PACRG: variants seen among roughly 807,000 people sequenced by gnomAD.
PACRG encodes the protein parkin coregulated.
Under a neutral mutation model 29.7 loss-of-function variants are expected in PACRG, and 29 were observed. That is an observed-to-expected ratio of 0.98 (90% CI 0.73 to 1.33). The LOEUF is 1.33. Ranked by LOEUF, PACRG falls within the 40% of genes most tolerant of loss-of-function variation. The pLI, the probability that PACRG is intolerant of heterozygous loss-of-function variation, is 0.00. For synonymous variants in PACRG, 116 were observed against 118.7 expected (o/e 0.98, Z 0.15); for missense variants, 279 against 316.2 (o/e 0.88, Z 0.89).
At chr6:162,900,704 G>A (rs1795499816) in intron 2 of PACRG, among the ~76,000 whole-genome samples, 1 of 152,088 alleles carries the variant, frequency 6.6e-6, no homozygotes, top group Non-Finnish European at 1.5e-5. Flanking sequence ...CATCCCCCAA[G>A]CGTGCCAAGC....
chr6:163,011,597 C>T (rs1424783016), intron 2 of PACRG, among the ~76,000 whole-genome samples: 1 of 152,116 alleles, frequency 6.6e-6, no homozygotes, highest in Non-Finnish European at 1.5e-5. Flanking sequence ...TGCACTTAGG[C>T]TACACTCCAT....
chr6:162,831,702 CT>C, intron 2 of PACRG, among the ~76,000 whole-genome samples: 1 of 152,250 alleles, frequency 6.6e-6, no homozygotes, highest in East Asian at 1.9e-4. Flanking sequence ...GTTTCCCTCC[CT>C]GTGTCCACGT....
intron 4 of PACRG, among the ~76,000 whole-genome samples, chr6:163,138,091 A>AT (rs1324018280): frequency 6.6e-6 from 1 of 152,250 alleles, no homozygotes; most frequent in Non-Finnish European, 1.5e-5. Context: ...GGGCATTAGC[A>AT]GATCCAAGTT....
chr6:163,113,107 G>A (rs1054644549), intron 4 of PACRG, among the ~76,000 whole-genome samples: 1 of 152,092 alleles, frequency 6.6e-6, no homozygotes, highest in Non-Finnish European at 1.5e-5. Flanking sequence ...GTAACTGAGA[G>A]AAAAAATTTA....
At chr6:162,866,021 T>G (rs1460248962) in intron 2 of PACRG, among the ~76,000 whole-genome samples, 1 of 152,204 alleles carries the variant, frequency 6.6e-6, no homozygotes, top group Non-Finnish European at 1.5e-5. Flanking sequence ...ATTAAATATG[T>G]TATTTGCTGG....
chr6:163,018,450 T>G (rs1285619586), intron 2 of PACRG, among the ~76,000 whole-genome samples: 2 of 152,210 alleles, frequency 1.3e-5, no homozygotes, highest in African/African-American at 4.8e-5. Context: ...TATTCCCTCA[T>G]TTGTTAAGTT....
At chr6:163,154,572 A>C (rs777933099) in intron 4 of PACRG, among the ~76,000 whole-genome samples, 5 of 152,204 alleles carry the variant, frequency 3.3e-5, no homozygotes, top group Admixed American at 6.5e-5. Context: ...AAATCCCTCC[A>C]TTCTGTGCCT....
At chr6:162,903,811 G>T (rs999952327) in intron 2 of PACRG, among the ~76,000 whole-genome samples, 6 of 152,168 alleles carry the variant, frequency 3.9e-5, no homozygotes, top group Non-Finnish European at 7.4e-5. Context: ...TTATGTGATC[G>T]TGAGGGGTTT....
intron 2 of PACRG, among the ~76,000 whole-genome samples, chr6:162,992,991 G>T (rs949584217): frequency 6.7e-6 from 1 of 149,814 alleles, no homozygotes; most frequent in African/African-American, 2.5e-5. Flanking sequence ...CCTTCATTTC[G>T]TTATGTACCC....
chr6:162,727,748 C>G (rs1032734680), upstream of PACRG: 1 of 1,448,606 alleles, frequency 6.9e-7, no homozygotes, highest in African/African-American at 1.4e-5. Flanking sequence ...CCACCAGCGG[C>G]TCTCCTGGGT....
At chr6:163,123,090 C>T (rs1180433104) in intron 4 of PACRG, among the ~76,000 whole-genome samples, 6 of 152,160 alleles carry the variant, frequency 3.9e-5, no homozygotes, top group Non-Finnish European at 5.9e-5. Context: ...GGGCTCCTAA[C>T]GGAGAAAAAC....
At chr6:163,054,367 G>A (rs1273695895) in intron 2 of PACRG, among the ~76,000 whole-genome samples, 2 of 152,172 alleles carry the variant, frequency 1.3e-5, no homozygotes, top group Admixed American at 6.5e-5. Context: ...AAGCCAGGAA[G>A]CGATCTCTCC....
intron 4 of PACRG, among the ~76,000 whole-genome samples, chr6:163,123,487 T>C (rs1816388060): frequency 1.3e-5 from 2 of 152,200 alleles, no homozygotes; most frequent in Non-Finnish European, 2.9e-5. Context: ...TCACCCTTTC[T>C]AGCTGCCTAA....
chr6:163,020,303 C>G (rs1806492240), intron 2 of PACRG, among the ~76,000 whole-genome samples: 1 of 152,064 alleles, frequency 6.6e-6, no homozygotes, highest in African/African-American at 2.4e-5. Context: ...TTACAGGGAA[C>G]AGAGGAAAAA....
chr6:163,214,864 G>C (rs1229161680), intron 4 of PACRG, among the ~76,000 whole-genome samples: 2 of 152,068 alleles, frequency 1.3e-5, no homozygotes, highest in African/African-American at 2.4e-5. Flanking sequence ...CACTTTAATA[G>C]GTATGTTTTA....
chr6:162,801,180 C>A (rs1785830048), intron 1 of PACRG, among the ~76,000 whole-genome samples: 1 of 152,030 alleles, frequency 6.6e-6, no homozygotes, highest in Non-Finnish European at 1.5e-5. Context: ...GGATATCTTG[C>A]CTCACTGCAA....
intron 4 of PACRG, among the ~76,000 whole-genome samples, chr6:163,104,866 T>C (rs1380661368): frequency 6.6e-6 from 1 of 152,196 alleles, no homozygotes; most frequent in African/African-American, 2.4e-5. Flanking sequence ...CCTTGCCAAA[T>C]TGATATTTCA....
At chr6:163,090,814 A>G (rs1482569427) in intron 4 of PACRG, among the ~76,000 whole-genome samples, 1 of 152,242 alleles carries the variant, frequency 6.6e-6, no homozygotes, top group Non-Finnish European at 1.5e-5. Flanking sequence ...GCATTATTAA[A>G]GAGATGGAAG....
At chr6:163,094,663 A>G (rs1329465911) in intron 4 of PACRG, among the ~76,000 whole-genome samples, 1 of 152,196 alleles carries the variant, frequency 6.6e-6, no homozygotes, top group Non-Finnish European at 1.5e-5. Flanking sequence ...TCAGGTGCCT[A>G]ATATGTGCTT....
Sources: gnomAD v4.1 joint callset for allele counts (sites outside exome capture counted in the v4.1 genomes callset) on GRCh38, gnomAD v4.1.1 for gene constraint, MANE v1.5 for transcripts, NCBI Gene and HGNC (gene_info 2026-07-23, HGNC 2026-07-21) for gene names.